CRBN: variants seen among roughly 807,000 people sequenced by gnomAD.
The protein encoded by CRBN is cereblon, also known as protein cereblon.
A neutral mutation model predicts 62.2 loss-of-function variants in CRBN; 53 were observed. That is an observed-to-expected ratio of 0.85 (90% CI 0.68 to 1.07). CRBN has a LOEUF of 1.07. Among genes scored for constraint, CRBN ranks in the 50% least tolerant of loss-of-function variants. The probability of loss-of-function intolerance (pLI) is 0.00; values close to 1 mark genes in which losing one functional copy is unlikely to be tolerated. For synonymous variants in CRBN, 208 were observed against 176.1 expected (o/e 1.18, Z -1.43); for missense variants, 616 against 531.1 (o/e 1.16, Z -1.57).
At chr3:3,168,657 A>T (rs577853366) in intron 4 of CRBN, among the ~76,000 whole-genome samples, 41 of 152,318 alleles carry the variant, frequency 2.7e-4, no homozygotes, top group Non-Finnish European at 4.9e-4. Flanking sequence ...AGACTTCTAA[A>T]GTAGTCTTTC....
Position 3,153,409 on chromosome 3 carries a change from T to C in CRBN, c.1016+15A>G, listed in dbSNP as rs1413110404. ...TGATAAGGCAAGTATATTAAAAACG[T>C]AATAAAGACCTTACCTGAATATTTC... On this transcript the variant is annotated intron_variant, in intron 9 of 10. Coordinates refer to ENST00000231948, the MANE Select transcript of CRBN (RefSeq NM_016302.4). 1 of 1,394,272 alleles carries C rather than the reference T, an allele frequency of 7.2e-7. No individual in the cohort carries two copies. The highest frequency in any genetic ancestry group is 1.0e-6 in the Non-Finnish European group (1 of 979,892). The allele number at this position is 1,394,272 out of a possible 1,614,324, so 86.4% of individuals were successfully genotyped here.
chr3:3,160,698 T>C (rs1232663515), intron 5 of CRBN, among the ~76,000 whole-genome samples: 4 of 152,252 alleles, frequency 2.6e-5, no homozygotes, highest in East Asian at 1.9e-4. Context: ...TGTTAATCAA[T>C]GGTAGTCACT....
intron 4 of CRBN, among the ~76,000 whole-genome samples, chr3:3,168,697 T>G (rs1181308727): frequency 6.6e-6 from 1 of 152,114 alleles, no homozygotes; most frequent in African/African-American, 2.4e-5. Context: ...CACAAGATAT[T>G]ATGGATGAAA....
intron 5 of CRBN, among the ~76,000 whole-genome samples, chr3:3,163,252 A>G (rs1487955568): frequency 6.6e-5 from 10 of 152,186 alleles, no homozygotes; most frequent in Admixed American, 2.0e-4. Flanking sequence ...TATGGGATGG[A>G]GTTATTTGTA....
At chr3:3,158,876 G>A (rs982387681) in intron 5 of CRBN, among the ~76,000 whole-genome samples, 2 of 152,190 alleles carry the variant, frequency 1.3e-5, no homozygotes, top group African/African-American at 4.8e-5. Flanking sequence ...TTGAATTGTA[G>A]TTCCCATAAT....
At chr3:3,168,510 C>T (rs1002641994) in intron 4 of CRBN, among the ~76,000 whole-genome samples, 15 of 152,124 alleles carry the variant, frequency 9.9e-5, no homozygotes, top group Non-Finnish European at 1.2e-4. Flanking sequence ...GAGCTATCTT[C>T]CTGTGAGGCA....
At chr3:3,152,159 T>TTTTC (rs747749891) in intron 10 of CRBN, among the ~76,000 whole-genome samples, 6 of 150,710 alleles carry the variant, frequency 4.0e-5, no homozygotes, top group African/African-American at 1.2e-4. Flanking sequence ...AATTTTTTTT[T>TTTTC]TTTTTTAAAT....
intron 5 of CRBN, among the ~76,000 whole-genome samples, chr3:3,161,258 T>C (rs1559248276): frequency 6.6e-6 from 1 of 152,110 alleles, no homozygotes; most frequent in East Asian, 1.9e-4. Flanking sequence ...CAACAAGCCG[T>C]AGAAAAATGG....
At chr3:3,160,482 G>A (rs1707094713) in intron 5 of CRBN, among the ~76,000 whole-genome samples, 1 of 152,168 alleles carries the variant, frequency 6.6e-6, no homozygotes, top group African/African-American at 2.4e-5. Flanking sequence ...TACTCCTGAG[G>A]CTTATACGCT....
chr3:3,151,991 C>CG (rs1706590763), intron 10 of CRBN, among the ~76,000 whole-genome samples: 1 of 152,088 alleles, frequency 6.6e-6, no homozygotes, highest in African/African-American at 2.4e-5. Context: ...TTCAGAATTA[C>CG]ATGACTGACA....
chr3:3,177,167 C>A (rs1433730763), intron 1 of CRBN, among the ~76,000 whole-genome samples: 1 of 152,152 alleles, frequency 6.6e-6, no homozygotes, highest in East Asian at 1.9e-4. Context: ...CCTAGACTAA[C>A]AATAAAGAAT....
chr3:3,152,371 T>A, intron 10 of CRBN, 85 bp downstream of exon 10: 2 of 1,366,530 alleles, frequency 1.5e-6, no homozygotes, highest in Non-Finnish European at 2.0e-6. Context: ...ATAAAGATTG[T>A]GGCAACTCTG....
chr3:3,166,293 G>C (rs529371485), intron 5 of CRBN, among the ~76,000 whole-genome samples: 48 of 152,226 alleles, frequency 3.2e-4, no homozygotes, highest in African/African-American at 1.1e-3. Flanking sequence ...TCCTGTACAA[G>C]TTCTTTTTCC....
chr3:3,173,095 T>C (rs1231748473), intron 3 of CRBN, among the ~76,000 whole-genome samples, 170 bp from the exon 4 acceptor site: 3 of 152,178 alleles, frequency 2.0e-5, no homozygotes, highest in African/African-American at 4.8e-5. Flanking sequence ...TCTCGCTGCG[T>C]TGCCCAGACT....
At chr3:3,178,117 G>C (rs528251573) in intron 1 of CRBN, among the ~76,000 whole-genome samples, 30 of 152,176 alleles carry the variant, frequency 2.0e-4, no homozygotes, top group Non-Finnish European at 2.1e-4. Context: ...GTCGACAGAA[G>C]ATCAGTATCC....
Position 3,179,670 on chromosome 3 carries a change from A to T in CRBN, c.18T>A (p.Asp6Glu), listed in dbSNP as rs1259464925. 2 of 1,612,862 alleles carry T rather than the reference A, an allele frequency of 1.2e-6. No individual in the cohort carries two copies. The highest frequency in any genetic ancestry group is 8.5e-7 in the Non-Finnish European group (1 of 1,179,590). Residue 6 changes from aspartate (D) to glutamate (E), a missense_variant, in exon 1 of 11, where the codon GAT (aspartate) becomes GAA (glutamate). Physicochemically the swap from Asp to Glu is conservative, Grantham distance 45. Transcript: ENST00000231948. Reference sequence around the variant, plus strand: ...CCATGTTGTGCGCAGCGTCCTGCTGATCTCCTTCGCCGGCCATGTCTGTTT... The same window carrying T: ...CCATGTTGTGCGCAGCGTCCTGCTGTTCTCCTTCGCCGGCCATGTCTGTTT... MAGEGDQQDAAHNMGN... is the reference protein window; with the variant it reads MAGEGEQQDAAHNMGN...
Position 3,172,781 on chromosome 3 carries a change from T to G in CRBN, c.522A>C (p.Ser174=), listed in dbSNP as rs759461359. 14 of 1,613,774 alleles carry G rather than the reference T, an allele frequency of 8.7e-6. No homozygotes were observed. Among genetic ancestry groups the G allele is most frequent in the Non-Finnish European group, 1.1e-5 (13 of 1,179,638 alleles). ...AGGTATATGTTATTTCTTACCCATC[T>G]GACTGTGTTCTTAGCTCAAGGACTT... ...RFKVLELRTQ[S]DGIQQAKVQI... is the part of the protein sequence containing the mutation. Residue 174 remains serine, a synonymous_variant, in exon 4 of 11, where the codon TCA becomes TCC. Transcript: ENST00000231948.
At position 3,150,562 on chromosome 3, in the gene CRBN, A is replaced by G. The variant is rs551497808; in HGVS notation, c.*303T>C. ...CAGGAAATAATCTCATCATTTCCAA[A>G]GATGTCTTCATGTCCCATCAATGAC... On this transcript the variant is annotated 3_prime_UTR_variant, in exon 11 of 11. Coordinates refer to ENST00000231948, the MANE Select transcript of CRBN (RefSeq NM_016302.4). 1.0e-3 allele frequency: 244 copies of G among 234,632 alleles called. 1 individual carries two copies. The highest frequency in any genetic ancestry group is 2.8e-3 in the Admixed American group (53 of 19,196). 14.5% of individuals were successfully genotyped at this position (234,632 alleles called of 1,614,324 possible).
In CRBN at chr3:3,179,636, G is replaced by A. The variant is rs766431619; in HGVS notation, c.52C>T (p.Leu18=). 2.5e-6 allele frequency: 4 copies of A among 1,613,488 alleles called. 1 individual carries two copies. The highest frequency in any genetic ancestry group is 2.2e-5 in the South Asian group (2 of 91,070). The part of the protein sequence containing the change: ...QDAAHNMGNH[L]PLLPAESEEE... The stretch of plus-strand genomic sequence containing the variant: ...GGGCGGTTACCAGGCAGGAGCGGCA[G>A]GTGGTTGCCCATGTTGTGCGCAGCG... The change falls in exon 1 of 11, where the codon CTG becomes TTG. Residue 18 remains leucine (L), a synonymous_variant. Coordinates refer to ENST00000231948, the MANE Select transcript of CRBN (RefSeq NM_016302.4).
Sources: gnomAD v4.1 joint callset for allele counts (sites outside exome capture counted in the v4.1 genomes callset) on GRCh38, gnomAD v4.1.1 for gene constraint, MANE v1.5 for transcripts, NCBI Gene and HGNC (gene_info 2026-07-23, HGNC 2026-07-21) for gene names.